The following TAOK3 variants were observed in gnomAD, a reference collection of about 807,000 sequenced individuals.
TAOK3 encodes serine/threonine-protein kinase TAO3.
In TAOK3, 40 loss-of-function variants were observed where a neutral mutation model predicts 120.4. The ratio of observed to expected loss-of-function variants is 0.33; its 90% CI spans 0.26 to 0.43. TAOK3 has a LOEUF of 0.43. Among genes scored for constraint, TAOK3 ranks in the 20% least tolerant of loss-of-function variants. The pLI, the probability that TAOK3 is intolerant of heterozygous loss-of-function variation, is 1.00. For synonymous variants in TAOK3, 355 were observed against 387.5 expected (o/e 0.92, Z 0.99); for missense variants, 821 against 1,112.1 (o/e 0.74, Z 3.72).
intron 1 of TAOK3, among the ~76,000 whole-genome samples, chr12:118,364,117 C>A (rs550503757): frequency 6.6e-6 from 1 of 152,114 alleles, no homozygotes; most frequent in East Asian, 1.9e-4. Flanking sequence ...GCCTGGGCAA[C>A]AAGAGCAAAA....
chr12:118,223,439 C>T (rs193278), intron 9 of TAOK3, among the ~76,000 whole-genome samples: 8 of 151,350 alleles, frequency 5.3e-5, no homozygotes, highest in Non-Finnish European at 8.8e-5. Flanking sequence ...CTCTGCCTCC[C>T]GGGTTCACGC....
chr12:118,250,442 G>A (rs766375513), intron 3 of TAOK3, among the ~76,000 whole-genome samples: 3 of 152,190 alleles, frequency 2.0e-5, no homozygotes, highest in Non-Finnish European at 4.4e-5. Context: ...GTAAAAAGCT[G>A]TGACCTACAG....
intron 8 of TAOK3, among the ~76,000 whole-genome samples, chr12:118,235,240 A>G (rs953608976): frequency 2.0e-5 from 3 of 152,160 alleles, no homozygotes; most frequent in Admixed American, 6.5e-5. Context: ...CCTTACCTGG[A>G]GGCTTTGCCT....
chr12:118,156,790 A>G (rs1357377115), intron 19 of TAOK3, among the ~76,000 whole-genome samples: 1 of 151,722 alleles, frequency 6.6e-6, no homozygotes, highest in Non-Finnish European at 1.5e-5. Flanking sequence ...GCTGGAGTGC[A>G]GTGGCGTGAT....
At chr12:118,320,614 A>G (rs1245769546) in intron 1 of TAOK3, among the ~76,000 whole-genome samples, 4 of 152,204 alleles carry the variant, frequency 2.6e-5, no homozygotes, top group Admixed American at 6.5e-5. Flanking sequence ...GTCACACTAG[A>G]CTATAAGCTA....
At chr12:118,337,485 C>G (rs1238591084) in intron 1 of TAOK3, among the ~76,000 whole-genome samples, 1 of 152,182 alleles carries the variant, frequency 6.6e-6, no homozygotes, top group Non-Finnish European at 1.5e-5. Flanking sequence ...CAGCTTTATT[C>G]CTAATCGCCA....
At chr12:118,363,768 GAGAGAGAGAC>G (rs970327326) in intron 1 of TAOK3, among the ~76,000 whole-genome samples, 3 of 151,944 alleles carry the variant, frequency 2.0e-5, no homozygotes, top group African/African-American at 7.3e-5. Context: ...GAGAGAGAGA[GAGAGAGAGAC>G]AGACAGACAG....
At chr12:118,158,049 C>T (rs955178136) in intron 19 of TAOK3, among the ~76,000 whole-genome samples, 3 of 152,176 alleles carry the variant, frequency 2.0e-5, no homozygotes, top group South Asian at 2.1e-4. Context: ...AAGCAATGGA[C>T]GAATCCAGTG....
chr12:118,332,843 A>G (rs920706877), intron 1 of TAOK3, among the ~76,000 whole-genome samples: 1 of 152,218 alleles, frequency 6.6e-6, no homozygotes, highest in Non-Finnish European at 1.5e-5. Flanking sequence ...AGCTATATTA[A>G]TATCAGATAA....
chr12:118,161,723 C>A lies in TAOK3; in HGVS notation c.2139+65G>T. 6.3e-7 allele frequency: 1 copy of A among 1,587,490 alleles called. No individual in the cohort carries two copies. Among genetic ancestry groups the A allele is most frequent in the Non-Finnish European group, 8.6e-7 (1 of 1,163,886 alleles). On this transcript the variant is annotated intron_variant, in intron 18 of 20. Coordinates refer to ENST00000392533, the MANE Select transcript of TAOK3 (RefSeq NM_016281.4). This position sits in a 1 kb window ranked among gnomAD's most constrained non-coding sequence, Gnocchi z 4.5. Reference sequence around the variant, plus strand: ...TGATTCTGAAAAGTTGCTCAGGTGACTCTGACACTTCAGGTAGAGAAACCA... The same window carrying A: ...TGATTCTGAAAAGTTGCTCAGGTGAATCTGACACTTCAGGTAGAGAAACCA...
At chr12:118,219,655 G>A (rs528882581) in intron 9 of TAOK3, among the ~76,000 whole-genome samples, 2 of 151,718 alleles carry the variant, frequency 1.3e-5, no homozygotes, top group African/African-American at 4.8e-5. Context: ...GCTGGAGGGA[G>A]TGCATCTCAG....
intron 19 of TAOK3, among the ~76,000 whole-genome samples, chr12:118,155,974 T>C (rs2034791732): frequency 6.6e-6 from 1 of 152,116 alleles, no homozygotes; most frequent in Non-Finnish European, 1.5e-5. Context: ...TGGCCTCAAG[T>C]GACCCTTCCC....
chr12:118,151,271 C>A lies in TAOK3; in HGVS notation c.2536-113G>T, dbSNP rs74854713. ...ACATGCACACACACATAGGCACACA[C>A]ATGAAGTGCGCGCGCGCGCACACAC... On this transcript the variant is annotated intron_variant, in intron 20 of 20. Transcript: ENST00000392533. 1.4e-3 allele frequency: 1,348 copies of A among 998,114 alleles called. 12 individuals carry two copies. In the African/African-American group the frequency reaches 0.022, roughly 16 times the overall value. The allele number at this position is 998,114 out of a possible 1,614,324, so 61.8% of individuals were successfully genotyped here.
intron 1 of TAOK3, among the ~76,000 whole-genome samples, chr12:118,367,686 A>G (rs2045777669): frequency 6.6e-6 from 1 of 152,160 alleles, no homozygotes; most frequent in Non-Finnish European, 1.5e-5. Flanking sequence ...ACAACTTAAA[A>G]ATATGAATTC....
intron 3 of TAOK3, among the ~76,000 whole-genome samples, chr12:118,251,335 C>G (rs58113338): frequency 0.12 from 18,440 of 152,190 alleles, 1,206 homozygotes; most frequent in Middle Eastern, 0.15. Context: ...AGGTACTGCC[C>G]ATGTGACCAC....
chr12:118,339,097 C>G (rs1013088708), intron 1 of TAOK3, among the ~76,000 whole-genome samples: 1 of 152,074 alleles, frequency 6.6e-6, no homozygotes, highest in East Asian at 1.9e-4. Flanking sequence ...GAGATTTGGA[C>G]TTTCACATGA....
In TAOK3 at chr12:118,191,649, C is replaced by T. The variant is rs182006587; in HGVS notation, c.1195-1708G>A. On this transcript the variant is annotated intron_variant, in intron 13 of 20. Transcript: ENST00000392533. ...TAAAATTATTCTACATGATTTCTCG[C>T]GAAATTTGAACTCCTGTTTTACAGG... Among the ~76,000 whole-genome samples the T allele has an allele frequency of 8.9e-4, 135 of 152,094 alleles. No homozygotes were observed. The Middle Eastern group carries it at 0.058, about 65-fold the overall frequency.
At chr12:118,263,663 AT>A (rs1316716169) in intron 2 of TAOK3, among the ~76,000 whole-genome samples, 2 of 152,134 alleles carry the variant, frequency 1.3e-5, no homozygotes, top group Non-Finnish European at 2.9e-5. Context: ...AGAAAACCCA[AT>A]TTTTTTAATG....
intron 1 of TAOK3, among the ~76,000 whole-genome samples, chr12:118,311,797 G>A (rs543109153): frequency 1.3e-5 from 2 of 152,144 alleles, no homozygotes; most frequent in African/African-American, 4.8e-5. Flanking sequence ...AAGAAAAAAG[G>A]AACTCAATGA....
Sources: gnomAD v4.1 joint callset for allele counts (sites outside exome capture counted in the v4.1 genomes callset) on GRCh38, gnomAD v4.1.1 for gene constraint, Gnocchi (gnomAD v3.1) non-coding constraint, MANE v1.5 for transcripts, NCBI Gene and HGNC (gene_info 2026-07-23, HGNC 2026-07-21) for gene names.